The following NAALADL2 variants were observed in gnomAD, a reference collection of about 807,000 sequenced individuals.
NAALADL2 encodes N-acetylated alpha-linked acidic dipeptidase like 2.
A neutral mutation model predicts 87.2 loss-of-function variants in NAALADL2; 76 were observed. That is an observed-to-expected ratio of 0.87 (90% CI 0.72 to 1.05). The LOEUF (loss-of-function observed/expected upper bound fraction) is 1.05, where lower values mean the gene tolerates loss of function less well. NAALADL2 is among the 50% of genes least tolerant of loss of function. The probability of loss-of-function intolerance (pLI) is 0.00; values close to 1 mark genes in which losing one functional copy is unlikely to be tolerated. For synonymous variants in NAALADL2, 354 were observed against 331.0 expected, an observed-to-expected ratio of 1.07 and a Z score of -0.75; for missense variants, 1,089 against 945.8, an observed-to-expected ratio of 1.15 and a Z score of -1.99.
intron 1 of NAALADL2, among the ~76,000 whole-genome samples, chr3:175,083,495 A>G (rs1718281813): frequency 6.6e-6 from 1 of 152,194 alleles, no homozygotes; most frequent in Non-Finnish European, 1.5e-5. Flanking sequence ...AAATGATTTC[A>G]TTTAGTTTTC....
intron 13 of NAALADL2, among the ~76,000 whole-genome samples, chr3:175,797,616 T>C (rs1318645772): frequency 6.6e-6 from 1 of 152,166 alleles, no homozygotes; most frequent in East Asian, 1.9e-4. Context: ...GCCTTTTGAC[T>C]GGCTATTGGT....
At chr3:175,393,315 A>C (rs1027591517) in intron 5 of NAALADL2, among the ~76,000 whole-genome samples, 24 of 136,622 alleles carry the variant, frequency 1.8e-4, no homozygotes, top group African/African-American at 5.9e-4. Context: ...AAAAAAAAAA[A>C]ATTGTAGAGT....
At chr3:175,335,588 T>G (rs1761891297) in intron 5 of NAALADL2, among the ~76,000 whole-genome samples, 1 of 152,248 alleles carries the variant, frequency 6.6e-6, no homozygotes, top group African/African-American at 2.4e-5. Context: ...TTTAGAATTC[T>G]CTGAAGAGTT....
chr3:174,833,493 C>G (rs896662317), intron 3 of NAALADL2, among the ~76,000 whole-genome samples: 1 of 152,068 alleles, frequency 6.6e-6, no homozygotes, highest in Non-Finnish European at 1.5e-5. Flanking sequence ...GATGAAATAT[C>G]AGTTCTGCAC....
At chr3:175,319,456 A>G (rs901121956) in intron 4 of NAALADL2, among the ~76,000 whole-genome samples, 58 of 152,322 alleles carry the variant, frequency 3.8e-4, no homozygotes, top group African/African-American at 1.4e-3. Flanking sequence ...ATCATGCTAT[A>G]TATGCAATTG....
At chr3:175,711,401 T>C (rs1260452733) in intron 11 of NAALADL2, among the ~76,000 whole-genome samples, 1 of 151,910 alleles carries the variant, frequency 6.6e-6, no homozygotes, top group Non-Finnish European at 1.5e-5. Context: ...AATTCTGCAA[T>C]GTGGTTTACT....
chr3:175,525,062 A>T (rs184946117), intron 9 of NAALADL2, among the ~76,000 whole-genome samples: 1 of 152,254 alleles, frequency 6.6e-6, no homozygotes, highest in African/African-American at 2.4e-5. Context: ...TTATTTAAAA[A>T]TTATTTAAGA....
intron 10 of NAALADL2, among the ~76,000 whole-genome samples, chr3:175,589,309 G>GTAATTTAACATTCGT (rs60691311): frequency 0.92 from 139,842 of 152,084 alleles, 64,356 homozygotes; most frequent in Admixed American, 0.95. Flanking sequence ...ATTGGTACTG[G>GTAATTTAACATTCGT]TAAATAAATG....
intron 2 of NAALADL2, among the ~76,000 whole-genome samples, chr3:175,154,658 T>A (rs73883381): frequency 0.031 from 4,671 of 152,230 alleles, 230 homozygotes; most frequent in African/African-American, 0.1. Context: ...TTCTGGATAG[T>A]TGAGAAGATA....
At chr3:174,694,215 T>A (rs550347971) in intron 2 of NAALADL2, among the ~76,000 whole-genome samples, 1 of 152,048 alleles carries the variant, frequency 6.6e-6, no homozygotes, top group East Asian at 1.9e-4. Flanking sequence ...GAGACCTAAC[T>A]CCAAATTCCA....
At chr3:174,962,911 TA>T in intron 1 of NAALADL2, among the ~76,000 whole-genome samples, 1 of 152,274 alleles carries the variant, frequency 6.6e-6, no homozygotes, top group African/African-American at 2.4e-5. Flanking sequence ...GCATATAACC[TA>T]CACATATCTT....
chr3:175,165,268 G>T (rs775619475), intron 2 of NAALADL2, among the ~76,000 whole-genome samples: 2 of 152,064 alleles, frequency 1.3e-5, no homozygotes, highest in Non-Finnish European at 2.9e-5. Flanking sequence ...ACTGGACCAT[G>T]AACTTCTTGA....
rs142893328 is a variant in NAALADL2 at position 175,634,440 on chromosome 3, G to A, written c.1896+7054G>A. Among the ~76,000 whole-genome samples, 262 of 152,000 alleles carry A rather than the reference G, an allele frequency of 1.7e-3. 4 individuals are homozygous for A. The highest frequency in any genetic ancestry group is 5.9e-3 in the African/African-American group (243 of 41,538). On this transcript the variant is annotated intron_variant, in intron 11 of 13. Transcript: ENST00000454872. ...TCTCATTTTATAACTATAGAATAAA[G>A]AGGCAGACTAAACTGTAGAATAAAT...
chr3:175,296,675 A>T lies in NAALADL2; in HGVS notation c.940-27500A>T, dbSNP rs115214953. On this transcript the variant is annotated intron_variant, in intron 4 of 13. Transcript: ENST00000454872. ...ACAGCCTTCTAACGGCCATATCCAA[A>T]CCTTAATGTTTATTCTGTGTCAACA... Among the ~76,000 whole-genome samples, 1,220 of 152,132 alleles carry T rather than the reference A, an allele frequency of 8.0e-3. 15 individuals carry two copies. Among genetic ancestry groups the T allele is most frequent in the African/African-American group, 0.028 (1,179 of 41,520 alleles).
intron 1 of NAALADL2, among the ~76,000 whole-genome samples, chr3:174,909,435 T>C (rs1733398119): frequency 6.6e-6 from 1 of 152,086 alleles, no homozygotes; most frequent in Non-Finnish European, 1.5e-5. Flanking sequence ...ACCAGACACT[T>C]GTGCAAACTC....
At chr3:175,527,298 C>T (rs909973881) in intron 9 of NAALADL2, among the ~76,000 whole-genome samples, 1 of 152,132 alleles carries the variant, frequency 6.6e-6, no homozygotes, top group East Asian at 1.9e-4. Flanking sequence ...TTCAACACAA[C>T]ATTGTAGCTA....
chr3:175,640,230 G>T (rs1433265113), intron 11 of NAALADL2, among the ~76,000 whole-genome samples: 3 of 152,002 alleles, frequency 2.0e-5, no homozygotes, highest in African/African-American at 7.2e-5. Context: ...GCACAGCAAA[G>T]AATAATTAAT....
intron 5 of NAALADL2, among the ~76,000 whole-genome samples, chr3:175,411,951 T>C (rs947463961): frequency 2.0e-5 from 3 of 151,958 alleles, no homozygotes; most frequent in African/African-American, 7.2e-5. Flanking sequence ...AGTCAAATTA[T>C]GAGATCACAT....
At position 175,304,862 on chromosome 3, in the gene NAALADL2, T is replaced by C. The variant is rs550702200; in HGVS notation, c.940-19313T>C. ...TTCTCCTTTATTTTCTACTTTATTT[T>C]CTGCTTTTATATTAAATAATTCCTT... On this transcript the variant is annotated intron_variant, in intron 4 of 13. Coordinates refer to ENST00000454872, the MANE Select transcript of NAALADL2 (RefSeq NM_207015.3). Among the ~76,000 whole-genome samples, 5 of 152,306 alleles carry C rather than the reference T, an allele frequency of 3.3e-5. No individual in the cohort carries two copies. The South Asian group carries it at 1.0e-3, about 32-fold the overall frequency.
Sources: allele counts gnomAD v4.1 joint callset (sites outside exome capture counted in the v4.1 genomes callset), GRCh38; gene constraint gnomAD v4.1.1; transcripts MANE v1.5; gene names NCBI Gene and HGNC (gene_info 2026-07-23, HGNC 2026-07-21).